The following WDR64 variants were observed in gnomAD, a reference collection of about 807,000 sequenced individuals.
The protein encoded by WDR64 is WD repeat-containing protein 64.
WDR64 carries 112 observed loss-of-function variants against 139.3 expected under a neutral mutation model. The observed-to-expected ratio is 0.80, with a 90% CI of 0.69 to 0.94. WDR64 has a LOEUF of 0.94. Among genes scored for constraint, WDR64 ranks in the 40% least tolerant of loss-of-function variants. The probability of loss-of-function intolerance (pLI) is 0.00; values close to 1 mark genes in which losing one functional copy is unlikely to be tolerated. For synonymous variants in WDR64, 444 were observed against 437.7 expected (o/e 1.01, Z -0.18); for missense variants, 1,206 against 1,293.1 (o/e 0.93, Z 1.03).
chr1:241,771,684 C>T lies in WDR64; in HGVS notation c.2277C>T (p.Asp759=), dbSNP rs917623849. Residue 759 remains aspartate, a synonymous_variant, in exon 19 of 28, where the codon GAC becomes GAT. Coordinates refer to ENST00000437684, the MANE Select transcript of WDR64 (RefSeq NM_001367482.1). ...AGGGAAGCAAGCAAAGCATACATGA[C>T]AGTGAGGTTAAAGGTCAGTATGAAA... ...SSKGSKQSIH[D]SEVKGEQTDV... 1.3e-6 allele frequency: 2 copies of T among 1,499,990 alleles called. No homozygotes were observed. The highest frequency in any genetic ancestry group is 1.8e-6 in the Non-Finnish European group (2 of 1,122,002). The allele number at this position is 1,499,990 out of a possible 1,614,324, so 92.9% of individuals were successfully genotyped here.
chr1:241,785,153 A>G (rs995252634), intron 23 of WDR64, among the ~76,000 whole-genome samples: 1 of 152,096 alleles, frequency 6.6e-6, no homozygotes, highest in African/African-American at 2.4e-5. Context: ...ACATGGCACA[A>G]CCACATATGT....
chr1:241,693,004 G>A (rs1157755717), intron 8 of WDR64, among the ~76,000 whole-genome samples: 5 of 152,218 alleles, frequency 3.3e-5, no homozygotes, highest in Middle Eastern at 3.4e-3. Flanking sequence ...CCGCTTGACC[G>A]TTTCTTAAGA....
chr1:241,725,759 G>A (rs1021517032), intron 10 of WDR64, among the ~76,000 whole-genome samples: 1 of 152,022 alleles, frequency 6.6e-6, no homozygotes. Context: ...TGGCTAGTCC[G>A]AATTGAGGTC....
chr1:241,783,815 CCTATTGTTAT>C (rs1658938392), intron 23 of WDR64, among the ~76,000 whole-genome samples: 1 of 151,940 alleles, frequency 6.6e-6, no homozygotes, highest in East Asian at 1.9e-4. Flanking sequence ...TTTTGCAAAG[CCTATTGTTAT>C]CAATTACCTA....
chr1:241,691,691 A>G (rs1290428171), intron 8 of WDR64, among the ~76,000 whole-genome samples: 1 of 152,212 alleles, frequency 6.6e-6, no homozygotes, highest in East Asian at 1.9e-4. Context: ...ACTTTCCTAT[A>G]TCCTAACAAT....
At chr1:241,678,925 T>TAATAAC (rs1356843121) in intron 5 of WDR64, among the ~76,000 whole-genome samples, 5 of 146,146 alleles carry the variant, frequency 3.4e-5, no homozygotes, top group Admixed American at 1.4e-4. Flanking sequence ...TACAGAAAGT[T>TAATAAC]AGAGGCCATG....
At chr1:241,674,571 A>T in intron 3 of WDR64, 73 bp from the exon 4 acceptor site, 1 of 1,033,964 alleles carries the variant, frequency 9.7e-7, no homozygotes, top group South Asian at 1.5e-5. Flanking sequence ...CATTTTTTAA[A>T]AAAACAAATC....
At chr1:241,714,864 G>A (rs562857914) in intron 9 of WDR64, among the ~76,000 whole-genome samples, 7 of 152,236 alleles carry the variant, frequency 4.6e-5, no homozygotes, top group African/African-American at 1.2e-4. Flanking sequence ...TGGTGAAAAT[G>A]AGGAAGTGGG....
chr1:241,797,571 C>T (rs889260150), intron 27 of WDR64, among the ~76,000 whole-genome samples: 1 of 152,174 alleles, frequency 6.6e-6, no homozygotes, highest in African/African-American at 2.4e-5. Flanking sequence ...ATATTCAAAG[C>T]TGCTTTAATT....
chr1:241,770,502 T>A, intron 17 of WDR64, 119 bp from the exon 18 acceptor site: 1 of 814,672 alleles, frequency 1.2e-6, no homozygotes, highest in South Asian at 1.9e-5. Context: ...CCTGAGTGGC[T>A]CAGTATCCAC....
chr1:241,675,085 T>TTCCTTCCTCCCTC lies in WDR64; in HGVS notation c.483+338_483+339insTCCTTCCTCCCTC, dbSNP rs1666459932. On this transcript the variant is annotated intron_variant, in intron 4 of 27. Transcript: ENST00000437684. ...CTTCCTCCTTCCTGCCTCCCTCCCT[T>TTCCTTCCTCCCTC]CATCCTTCCTCCCTCCCTCCTTCCT... 1.4e-3 allele frequency among the ~76,000 whole-genome samples: 24 copies of TTCCTTCCTCCCTC among 17,684 alleles called. 1 individual carries two copies. Among genetic ancestry groups the TTCCTTCCTCCCTC allele is most frequent in the East Asian group, 8.8e-3 (4 of 452 alleles). 11.6% of individuals were successfully genotyped at this position (17,684 alleles called of 152,430 possible). A position where few individuals can be genotyped will look rare whatever the true frequency, so the allele number is the denominator to read the frequency against.
chr1:241,696,239 C>T, intron 8 of WDR64, among the ~76,000 whole-genome samples: 1 of 150,230 alleles, frequency 6.7e-6, no homozygotes, highest in East Asian at 2.0e-4. Context: ...CTTTCTCTGA[C>T]CTCCTCTTTT....
rs1658786716 is a variant in WDR64, at chr1:241,779,914, T to C, written c.2537-90T>C. On this transcript the variant is annotated intron_variant, in intron 21 of 27. Coordinates refer to ENST00000437684, the MANE Select transcript of WDR64 (RefSeq NM_001367482.1). ...TCAGGTTCTGTTTTATTCAGCATTATAAATACCTAAATCAAAATAACTTTT... is the reference window on the plus strand; with the variant it reads ...TCAGGTTCTGTTTTATTCAGCATTACAAATACCTAAATCAAAATAACTTTT... 5.4e-6 allele frequency: 5 copies of C among 929,032 alleles called. No homozygotes were observed. The South Asian group carries it at 8.0e-5, about 15-fold the overall frequency. 57.5% of individuals were successfully genotyped at this position (929,032 alleles called of 1,614,324 possible).
chr1:241,763,314 T>C (rs1295530958), intron 15 of WDR64, among the ~76,000 whole-genome samples: 1 of 152,220 alleles, frequency 6.6e-6, no homozygotes, highest in African/African-American at 2.4e-5. Flanking sequence ...TTAATGTAAA[T>C]GTAAATTATC....
chr1:241,753,618 C>T (rs1558508158), intron 14 of WDR64, among the ~76,000 whole-genome samples: 1 of 152,072 alleles, frequency 6.6e-6, no homozygotes, highest in Non-Finnish European at 1.5e-5. Flanking sequence ...GTGGGAGGAT[C>T]ACCTGAGCCT....
chr1:241,800,619 C>A (rs1244837305), intron 27 of WDR64, among the ~76,000 whole-genome samples: 2 of 152,104 alleles, frequency 1.3e-5, no homozygotes, highest in African/African-American at 2.4e-5. Flanking sequence ...TGCACTCCAG[C>A]CTGGGTGACA....
intron 25 of WDR64, among the ~76,000 whole-genome samples, chr1:241,794,688 T>C (rs933606311): frequency 6.6e-6 from 1 of 151,964 alleles, no homozygotes; most frequent in Non-Finnish European, 1.5e-5. Context: ...TTTATATTTT[T>C]AGTAGAGACG....
intron 22 of WDR64, among the ~76,000 whole-genome samples, chr1:241,781,906 C>A (rs1202495217): frequency 6.6e-6 from 1 of 152,152 alleles, no homozygotes; most frequent in Admixed American, 6.5e-5. Flanking sequence ...GTATATCTTA[C>A]TATAAATACA....
intron 14 of WDR64, among the ~76,000 whole-genome samples, chr1:241,756,255 T>C (rs991516608): frequency 2.0e-5 from 3 of 152,164 alleles, no homozygotes; most frequent in Non-Finnish European, 2.9e-5. Flanking sequence ...GGTTTATAGT[T>C]CTCCTTGAAG....
Sources: gnomAD v4.1 joint callset for allele counts (sites outside exome capture counted in the v4.1 genomes callset) on GRCh38, gnomAD v4.1.1 for gene constraint, MANE v1.5 for transcripts, NCBI Gene and HGNC (gene_info 2026-07-23, HGNC 2026-07-21) for gene names.